Variants in SLC12A1 observed in about 807,000 individuals in gnomAD.
The protein encoded by SLC12A1 is solute carrier family 12 member 1.
Under a neutral mutation model 130.4 loss-of-function variants are expected in SLC12A1, and 89 were observed. The ratio of observed to expected loss-of-function variants is 0.68; its 90% CI spans 0.58 to 0.81. SLC12A1 has a LOEUF of 0.81. Ranked by LOEUF, SLC12A1 falls within the 40% of genes least tolerant of loss-of-function variation. The probability of loss-of-function intolerance (pLI) is 0.00; values close to 1 mark genes in which losing one functional copy is unlikely to be tolerated. For synonymous variants in SLC12A1, 499 were observed against 460.0 expected (o/e 1.08, Z -1.09); for missense variants, 1,310 against 1,336.4 (o/e 0.98, Z 0.31).
Position 48,236,253 on chromosome 15 carries a change from G to A in SLC12A1, c.1215+1249G>A, listed in dbSNP as rs181177309. 1.7e-3 allele frequency among the ~76,000 whole-genome samples: 255 copies of A among 152,198 alleles called. 3 individuals are homozygous for A. The highest frequency in any genetic ancestry group is 4.3e-4 in the Non-Finnish European group (29 of 68,022). ...ATGAAAAACATATGCATTGTCCAGC[G>A]GGAAGTGAAATGAAAATACTGAACA... On this transcript the variant is annotated intron_variant, in intron 9 of 26. Coordinates refer to ENST00000380993, the MANE Select transcript of SLC12A1 (RefSeq NM_000338.3).
At chr15:48,213,490 T>C (rs1220386309) in intron 2 of SLC12A1, among the ~76,000 whole-genome samples, 1 of 151,520 alleles carries the variant, frequency 6.6e-6, no homozygotes, top group Non-Finnish European at 1.5e-5. Context: ...ACTTGACCTC[T>C]TTCCTCTAGA....
chr15:48,210,693 TAAAA>T (rs34235092), intron 2 of SLC12A1, among the ~76,000 whole-genome samples: 2 of 122,628 alleles, frequency 1.6e-5, no homozygotes, highest in Admixed American at 8.3e-5. Context: ...CTTCTCTACT[TAAAA>T]AAAAAAAAAA....
intron 1 of SLC12A1, among the ~76,000 whole-genome samples, chr15:48,206,775 T>C (rs34223316): frequency 1.1e-3 from 164 of 152,322 alleles, no homozygotes; most frequent in African/African-American, 3.9e-3. Flanking sequence ...TAGAGCATGA[T>C]TATTTTACCT....
At chr15:48,254,917 C>A (rs370212605) in intron 15 of SLC12A1, among the ~76,000 whole-genome samples, 6 of 151,912 alleles carry the variant, frequency 3.9e-5, no homozygotes, top group African/African-American at 1.5e-4. Flanking sequence ...GAGCCAGACT[C>A]CGTCTCAAAC....
intron 18 of SLC12A1, among the ~76,000 whole-genome samples, chr15:48,268,703 A>C (rs1293132196): frequency 6.6e-6 from 1 of 152,182 alleles, no homozygotes; most frequent in East Asian, 1.9e-4. Flanking sequence ...ATCTGTTATT[A>C]ATTTGCTAAA....
intron 9 of SLC12A1, among the ~76,000 whole-genome samples, chr15:48,240,028 T>C (rs1476383936): frequency 3.1e-5 from 1 of 32,036 alleles, no homozygotes; most frequent in Admixed American, 5.0e-4. Context: ...TATATATATA[T>C]CCATATATAT....
At chr15:48,262,448 T>G (rs528898054) in intron 17 of SLC12A1, among the ~76,000 whole-genome samples, 6 of 152,264 alleles carry the variant, frequency 3.9e-5, no homozygotes, top group Non-Finnish European at 8.8e-5. Context: ...AAATAATCAT[T>G]ATTTGAAATT....
intron 16 of SLC12A1, among the ~76,000 whole-genome samples, chr15:48,256,727 T>G (rs1477731310): frequency 6.6e-6 from 1 of 151,754 alleles, no homozygotes; most frequent in East Asian, 1.9e-4. Context: ...TACCTCCCAC[T>G]GGGTCCCTCC....
chr15:48,278,275 A>G (rs1478032637), intron 20 of SLC12A1, among the ~76,000 whole-genome samples: 2 of 152,364 alleles, frequency 1.3e-5, no homozygotes, highest in Middle Eastern at 6.8e-3. Context: ...AGCACTTATT[A>G]TGTGCCATCT....
rs752454522 is a variant in SLC12A1, at chr15:48,274,636, A to G, written c.2468A>G (p.Gln823Arg). The G allele has an allele frequency of 1.2e-6, 2 of 1,611,518 alleles. No individual in the cohort carries two copies. The highest frequency in any genetic ancestry group is 4.5e-5 in the East Asian group (2 of 44,844). Reference protein sequence around the residue: ...VRISQGFDISQVLQVQEELER... With the variant: ...VRISQGFDISRVLQVQEELER... ...ATCAGCCAAGGATTTGACATCTCTCAGGTTCTTCAGGTGCAAGGTATGTAC... is the reference window on the plus strand; with the variant it reads ...ATCAGCCAAGGATTTGACATCTCTCGGGTTCTTCAGGTGCAAGGTATGTAC... Residue 823 changes from glutamine to arginine, a missense_variant, in exon 20 of 27, where the codon CAG becomes CGG. Gln to Arg is a conservative substitution (Grantham distance 43). Transcript: ENST00000380993.
At chr15:48,269,399 C>T (rs1276159882) in intron 18 of SLC12A1, among the ~76,000 whole-genome samples, 1 of 152,164 alleles carries the variant, frequency 6.6e-6, no homozygotes, top group Admixed American at 6.5e-5. Context: ...ATGACTGTGT[C>T]AGAAGAAATG....
At chr15:48,255,543 T>TC (rs1431977493) in intron 15 of SLC12A1, among the ~76,000 whole-genome samples, 1 of 152,290 alleles carries the variant, frequency 6.6e-6, no homozygotes, top group East Asian at 1.9e-4. Flanking sequence ...GCACAGCCTC[T>TC]CCCACCAAGC....
rs1484551 is a variant in SLC12A1 at position 48,269,637 on chromosome 15, A to G, written c.2296-21A>G. On this transcript the variant is annotated intron_variant, in intron 18 of 26. Coordinates refer to ENST00000380993, the MANE Select transcript of SLC12A1 (RefSeq NM_000338.3). ...TCCCAGTACGGTAAGGATTGCCCAC[A>G]TTTTTATGTCCTCTGTTTAGGCCTC... 1,436,352 of 1,443,336 alleles carry G rather than the reference A, an allele frequency of 1. 714,845 individuals carry two copies. The highest frequency in any genetic ancestry group is 1 in the Non-Finnish European group (1,027,071 of 1,027,184). 89.4% of individuals were successfully genotyped at this position (1,443,336 alleles called of 1,614,324 possible).
intron 6 of SLC12A1, among the ~76,000 whole-genome samples, chr15:48,230,030 T>G (rs1015926493): frequency 2.6e-5 from 4 of 152,196 alleles, no homozygotes; most frequent in Non-Finnish European, 5.9e-5. Flanking sequence ...GGATTTACAT[T>G]GTAAACCATC....
rs574338668 is a variant in SLC12A1 at position 48,229,193 on chromosome 15, G to A, written c.729G>A (p.Gly243=). ...TATGTTCATTTCTTGTTTCAGGTGG[G>A]GCCTACTATCTTATTTCCAGAAGTT... ...IATNGFVRGG[G]AYYLISRSLG... is the part of the protein sequence containing the mutation. Residue 243 remains glycine, a synonymous_variant, in exon 6 of 27, where the codon GGG becomes GGA. Coordinates refer to ENST00000380993, the MANE Select transcript of SLC12A1 (RefSeq NM_000338.3). The A allele has an allele frequency of 1.9e-6, 3 of 1,586,308 alleles. No individual in the cohort carries two copies. Among genetic ancestry groups the A allele is most frequent in the African/African-American group, 1.3e-5 (1 of 74,650 alleles).
chr15:48,246,947 T>G lies in SLC12A1; in HGVS notation c.1491T>G (p.Thr497=), dbSNP rs769183042. The change falls in exon 12 of 27, where the codon ACT becomes ACG. Residue 497 remains threonine, a synonymous_variant. Coordinates refer to ENST00000380993, the MANE Select transcript of SLC12A1 (RefSeq NM_000338.3). ...TATCAGGGTTCGGCCCCCTCATCAC[T>G]GCGGGAATCTTTTCTGCAACACTCT... The part of the protein sequence containing the change: ...SMVSGFGPLI[T]AGIFSATLSS... 1 of 1,613,898 alleles carries G rather than the reference T, an allele frequency of 6.2e-7. No homozygotes were observed. The highest frequency in any genetic ancestry group is 1.3e-5 in the African/African-American group (1 of 74,934).
intron 16 of SLC12A1, 50 bp from the exon 17 acceptor site, chr15:48,259,150 T>G (rs1363870136): frequency 8.4e-7 from 1 of 1,197,548 alleles, no homozygotes; most frequent in Non-Finnish European, 1.2e-6. Context: ...GGTTCTAAGG[T>G]TACAGGCTTC....
intron 9 of SLC12A1, among the ~76,000 whole-genome samples, chr15:48,239,412 G>T (rs185815137): frequency 3.9e-5 from 6 of 152,094 alleles, no homozygotes; most frequent in Admixed American, 3.9e-4. Flanking sequence ...TACTTGGAAG[G>T]CTGAGGTGGG....
intron 20 of SLC12A1, among the ~76,000 whole-genome samples, chr15:48,281,805 G>C (rs1156958127): frequency 6.6e-6 from 1 of 152,174 alleles, no homozygotes; most frequent in Non-Finnish European, 1.5e-5. Context: ...TTATTGTCAG[G>C]CTAGTGGAAA....
Sources: gnomAD v4.1 joint callset for allele counts (sites outside exome capture counted in the v4.1 genomes callset) on GRCh38, gnomAD v4.1.1 for gene constraint, MANE v1.5 for transcripts, NCBI Gene and HGNC (gene_info 2026-07-23, HGNC 2026-07-21) for gene names.